The following CLCN3 variants were observed in gnomAD, a reference collection of about 807,000 sequenced individuals.
CLCN3 encodes H(+)/Cl(-) exchange transporter 3.
Under a neutral mutation model 83.4 loss-of-function variants are expected in CLCN3, and 16 were observed. The observed-to-expected ratio is 0.19, with a 90% CI of 0.13 to 0.29. The LOEUF is 0.29. CLCN3 is among the 10% of genes least tolerant of loss of function. The pLI, the probability that CLCN3 is intolerant of heterozygous loss-of-function variation, is 1.00. For synonymous variants in CLCN3, 322 were observed against 346.2 expected, an observed-to-expected ratio of 0.93 and a Z score of 0.78; for missense variants, 544 against 1,006.0, an observed-to-expected ratio of 0.54 and a Z score of 6.21.
chr4:169,704,323 A>G (rs762106763), intron 10 of CLCN3, 139 bp downstream of exon 10: 4 of 677,250 alleles, frequency 5.9e-6, no homozygotes, highest in Non-Finnish European at 1.0e-5. Context: ...TTTAACAGAT[A>G]AGAAACAGTA....
chr4:169,664,847 G>A (rs780037369), intron 2 of CLCN3, among the ~76,000 whole-genome samples: 2 of 152,154 alleles, frequency 1.3e-5, no homozygotes, highest in African/African-American at 2.4e-5. Flanking sequence ...ATTTCCTGCC[G>A]CATTGATTAA....
Position 169,704,293 on chromosome 4 carries a change from A to C in CLCN3, c.1750+109A>C, listed in dbSNP as rs552812632. 4 of 943,840 alleles carry C rather than the reference A, an allele frequency of 4.2e-6. No homozygotes were observed. The African/African-American group carries it at 6.5e-5, about 15-fold the overall frequency. The allele number at this position is 943,840 out of a possible 1,614,324, so 58.5% of individuals were successfully genotyped here. On this transcript the variant is annotated intron_variant, in intron 10 of 12. Coordinates refer to ENST00000513761, the MANE Select transcript of CLCN3 (RefSeq NM_001829.4). ...GGTGGGCGGATTGGTTGAGTAAAGGAGGGTGCCAGGAGGAGATGTTTTAAC... is the reference window on the plus strand; with the variant it reads ...GGTGGGCGGATTGGTTGAGTAAAGGCGGGTGCCAGGAGGAGATGTTTTAAC...
At chr4:169,680,316 G>A (rs1731887673) in intron 3 of CLCN3, 109 bp downstream of exon 3, 1 of 744,938 alleles carries the variant, frequency 1.3e-6, no homozygotes, top group Admixed American at 3.0e-5. Context: ...TTTAATATAA[G>A]TAAATGTCTA....
rs910174190 is a variant in CLCN3, at chr4:169,720,049, A to C, written c.*52A>C. On this transcript the variant is annotated 3_prime_UTR_variant, in exon 13 of 13. Coordinates refer to ENST00000513761, the MANE Select transcript of CLCN3 (RefSeq NM_001829.4). ...ACGGAAGAGGAAGTTTATTTGTTGA[A>C]TAGCACAACTCTTTAACCTGAGGGA... is the stretch of plus-strand genomic sequence containing the variant. 3 of 1,611,956 alleles carry C rather than the reference A, an allele frequency of 1.9e-6. No homozygotes were observed. The highest frequency in any genetic ancestry group is 2.5e-6 in the Non-Finnish European group (3 of 1,179,230).
At position 169,635,283 on chromosome 4, in the gene CLCN3, T is replaced by C. The variant is rs534384506; in HGVS notation, c.-16-630T>C. On this transcript the variant is annotated intron_variant, in intron 1 of 12. Coordinates refer to ENST00000513761, the MANE Select transcript of CLCN3 (RefSeq NM_001829.4). ...CTTATTTTGGTGTTGAGTAAGTAAGTGGAGGTATTTAAAAATCAAACTAGT... is the reference window on the plus strand; with the variant it reads ...CTTATTTTGGTGTTGAGTAAGTAAGCGGAGGTATTTAAAAATCAAACTAGT... 2.6e-5 allele frequency among the ~76,000 whole-genome samples: 4 copies of C among 152,254 alleles called. No homozygotes were observed. The South Asian group carries it at 8.3e-4, about 32-fold the overall frequency.
At chr4:169,642,935 A>G (rs1030000113) in intron 2 of CLCN3, 2 of 152,210 alleles carry the variant, frequency 1.3e-5, no homozygotes, top group Admixed American at 1.3e-4. Flanking sequence ...ATGTTCTGGT[A>G]GGATTCATAG....
At chr4:169,711,522 G>C (rs1175385682) in intron 11 of CLCN3, among the ~76,000 whole-genome samples, 1 of 152,116 alleles carries the variant, frequency 6.6e-6, no homozygotes, top group African/African-American at 2.4e-5. Flanking sequence ...AGCTAATTTT[G>C]TATTTTTAGT....
chr4:169,637,599 C>T (rs905730961), intron 2 of CLCN3, among the ~76,000 whole-genome samples: 6 of 151,814 alleles, frequency 4.0e-5, no homozygotes, highest in African/African-American at 1.2e-4. Flanking sequence ...CCACCACCAA[C>T]AACAACAACA....
At chr4:169,697,809 T>C in intron 9 of CLCN3, 75 bp downstream of exon 9, 3 of 967,546 alleles carry the variant, frequency 3.1e-6, no homozygotes, top group Non-Finnish European at 3.1e-6. Context: ...AGAGAGGTTG[T>C]TGTTTCATAA....
chr4:169,687,950 G>A (rs189268140), intron 4 of CLCN3, among the ~76,000 whole-genome samples, 193 bp downstream of exon 4: 3 of 152,212 alleles, frequency 2.0e-5, no homozygotes, highest in South Asian at 2.1e-4. Context: ...ATCACTTTAC[G>A]TGTTTATCCA....
intron 2 of CLCN3, among the ~76,000 whole-genome samples, chr4:169,672,220 TGATAGATAGATA>T (rs70964217): frequency 1.4e-5 from 2 of 145,612 alleles, no homozygotes; most frequent in Non-Finnish European, 3.0e-5. Context: ...TCAAAATAAA[TGATAGATAGATA>T]GATAGATAGA....
chr4:169,685,067 T>C (rs1400539050), intron 3 of CLCN3, among the ~76,000 whole-genome samples: 2 of 151,802 alleles, frequency 1.3e-5, no homozygotes, highest in Non-Finnish European at 2.9e-5. Context: ...TCCTCCTGCC[T>C]TTGCCTTCCA....
At chr4:169,637,641 T>A (rs1243612340) in intron 2 of CLCN3, among the ~76,000 whole-genome samples, 2 of 152,010 alleles carry the variant, frequency 1.3e-5, no homozygotes, top group African/African-American at 4.8e-5. Flanking sequence ...TTCTTAGTGT[T>A]TTTTTTTGTT....
In CLCN3 at chr4:169,620,683, G is replaced by C. The variant is rs1773089957; in HGVS notation, c.-397G>C. On this transcript the variant is annotated 5_prime_UTR_variant, in exon 1 of 13. Coordinates refer to ENST00000513761, the MANE Select transcript of CLCN3 (RefSeq NM_001829.4). ...CGGAATAATGAGCAAGGAGGGTGTG[G>C]TGGGTTGAAAGCCATCCTACTTTAC... 6 of 398,620 alleles carry C rather than the reference G, an allele frequency of 1.5e-5. No individual in the cohort carries two copies. The highest frequency in any genetic ancestry group is 8.8e-5 in the Admixed American group (2 of 22,744). 24.7% of individuals were successfully genotyped at this position (398,620 alleles called of 1,614,324 possible).
At chr4:169,712,086 C>T (rs1004439508) in intron 11 of CLCN3, among the ~76,000 whole-genome samples, 1 of 144,096 alleles carries the variant, frequency 6.9e-6, no homozygotes, top group Non-Finnish European at 1.5e-5. Flanking sequence ...TGGTCTTGAA[C>T]TTTAGGGCTC....
rs150999547 is a variant in CLCN3, at chr4:169,676,876, G to T, written c.161-3174G>T. Among the ~76,000 whole-genome samples, 13 of 152,106 alleles carry T rather than the reference G, an allele frequency of 8.5e-5. 1 individual carries two copies. The East Asian group carries it at 2.5e-3, about 29-fold the overall frequency. On this transcript the variant is annotated intron_variant, in intron 2 of 12. Coordinates refer to ENST00000513761, the MANE Select transcript of CLCN3 (RefSeq NM_001829.4). ...TATATGTTTCTTCTTTCAGAAATAG[G>T]TGTTAAGTGTATCTAACATGGAATG...
chr4:169,676,230 CT>C (rs1217155872), intron 2 of CLCN3, among the ~76,000 whole-genome samples: 3 of 152,214 alleles, frequency 2.0e-5, no homozygotes, highest in African/African-American at 7.2e-5. Flanking sequence ...CAACCTTATT[CT>C]TTTTAACTGC....
intron 1 of CLCN3, among the ~76,000 whole-genome samples, chr4:169,622,869 A>G (rs754721896): frequency 6.6e-6 from 1 of 152,258 alleles, no homozygotes; most frequent in South Asian, 2.1e-4. Flanking sequence ...TTATAAAAGC[A>G]ATGTAAAATT....
At chr4:169,687,806 A>G (rs1247191148) in intron 4 of CLCN3, 49 bp downstream of exon 4, 1 of 1,027,578 alleles carries the variant, frequency 9.7e-7, no homozygotes, top group African/African-American at 1.7e-5. Context: ...AGAAGTATAA[A>G]CTGTTCTTCC....
Sources: gnomAD v4.1 joint callset for allele counts (sites outside exome capture counted in the v4.1 genomes callset) on GRCh38, gnomAD v4.1.1 for gene constraint, MANE v1.5 for transcripts, NCBI Gene and HGNC (gene_info 2026-07-23, HGNC 2026-07-21) for gene names.